AGAP1: variants seen among roughly 807,000 people sequenced by gnomAD.
The protein encoded by AGAP1 is ArfGAP with GTPase domain, ankyrin repeat and PH domain 1, also known as arf-GAP with GTPase, ANK repeat and PH domain-containing protein 1.
Under a neutral mutation model 105.3 loss-of-function variants are expected in AGAP1, and 29 were observed. The ratio of observed to expected loss-of-function variants is 0.28; its 90% confidence interval spans 0.21 to 0.38. AGAP1 has a LOEUF of 0.38. Among genes scored for constraint, AGAP1 ranks in the 10% least tolerant of loss-of-function variants. AGAP1 has a pLI of 1.00. For missense variants in AGAP1, 998 were observed against 1,165.1 expected (o/e 0.86, Z 2.09); for synonymous variants, 509 against 485.9 (o/e 1.05, Z -0.63).
rs568308150 is a variant in AGAP1 at position 235,710,802 on chromosome 2, G to A, written c.222+1565G>A. Reference sequence around the variant, plus strand: ...TCCGTTACTTCCTGTTAAGACAGCCGCTGCCACTCGGGTGCTGTGATGGGC... The same window carrying A: ...TCCGTTACTTCCTGTTAAGACAGCCACTGCCACTCGGGTGCTGTGATGGGC... On this transcript the variant is annotated intron_variant, in intron 2 of 17. Coordinates refer to ENST00000304032, the MANE Select transcript of AGAP1 (RefSeq NM_001037131.3). Among the ~76,000 whole-genome samples, 48 of 152,276 alleles carry A rather than the reference G, an allele frequency of 3.2e-4. 1 individual carries two copies. In the South Asian group the frequency reaches 3.3e-3, roughly 11 times the overall value.
At position 236,074,074 on chromosome 2, in the gene AGAP1, T is replaced by G. The variant is rs73996515; in HGVS notation, c.2114+24793T>G. ...GCGTGGTGGGGGGCTGGGGAGCCCC[T>G]GCTAGCTGTAGAGATCCAGTGACAG... is the stretch of plus-strand genomic sequence containing the variant. On this transcript the variant is annotated intron_variant, in intron 16 of 17. Coordinates refer to ENST00000304032, the MANE Select transcript of AGAP1 (RefSeq NM_001037131.3). 9.4e-3 allele frequency among the ~76,000 whole-genome samples: 1,434 copies of G among 152,334 alleles called. 16 individuals carry two copies. Among genetic ancestry groups the G allele is most frequent in the African/African-American group, 0.032 (1,340 of 41,586 alleles).
intron 12 of AGAP1, among the ~76,000 whole-genome samples, chr2:235,954,239 C>CA (rs34138034): frequency 7.4e-4 from 95 of 128,126 alleles, no homozygotes; most frequent in Middle Eastern, 8.4e-3. Context: ...ACTCTGCCTC[C>CA]AAAAAAAAAA....
Position 235,612,868 on chromosome 2 carries a change from T to C in AGAP1, c.164-96311T>C, listed in dbSNP as rs1192934705. 2.6e-5 allele frequency among the ~76,000 whole-genome samples: 4 copies of C among 152,168 alleles called. No individual in the cohort carries two copies. Among genetic ancestry groups the C allele is most frequent in the Non-Finnish European group, 4.4e-5 (3 of 68,034 alleles). ...TTCTGGCTTCTGCTTCCAGTGAGAC[T>C]CCGCCCAGGTTATGTTTGTGGCCTT... On this transcript the variant is annotated intron_variant, in intron 1 of 17. Transcript: ENST00000304032. This position sits in a 1 kb window ranked among gnomAD's most constrained non-coding sequence, Gnocchi z 4.3.
intron 6 of AGAP1, among the ~76,000 whole-genome samples, chr2:235,795,588 T>C (rs889365587): frequency 6.6e-6 from 1 of 152,160 alleles, no homozygotes; most frequent in African/African-American, 2.4e-5. Context: ...AATATATTTA[T>C]AAATCATTTT....
In AGAP1 at chr2:236,119,700, G is replaced by A. The variant is rs1356556870; in HGVS notation, c.2115-492G>A. On this transcript the variant is annotated intron_variant, in intron 16 of 17. Transcript: ENST00000304032. The surrounding 1 kb of genome is among the most constrained non-coding windows in gnomAD (Gnocchi z 6.6). ...TCGTGCGGTCCGTGCTCTCGGCCCC[G>A]GAGACCGTGCTTCCATCGTGCTGGT... Among the ~76,000 whole-genome samples the A allele has an allele frequency of 6.6e-6, 1 of 151,814 alleles. No individual in the cohort carries two copies. Among genetic ancestry groups the A allele is most frequent in the East Asian group, 1.9e-4 (1 of 5,144 alleles).
chr2:235,597,691 C>G (rs542264534), intron 1 of AGAP1, among the ~76,000 whole-genome samples: 67 of 150,812 alleles, frequency 4.4e-4, no homozygotes, highest in South Asian at 2.3e-3. Flanking sequence ...GGGGCCCTGT[C>G]TGTGTGGAGC....
At position 235,888,194 on chromosome 2, in the gene AGAP1, G is replaced by A. The variant is rs560112929; in HGVS notation, c.1155+4745G>A. Among the ~76,000 whole-genome samples the A allele has an allele frequency of 6.3e-4, 96 of 152,268 alleles. No individual in the cohort carries two copies. Among genetic ancestry groups the A allele is most frequent in the African/African-American group, 2.2e-3 (93 of 41,548 alleles). Reference sequence around the variant, plus strand: ...AAACGGAATAGGCCAATGTGGTTATGGGCAGGGGGCGGGGGAGCGGGTAGT... The same window carrying A: ...AAACGGAATAGGCCAATGTGGTTATAGGCAGGGGGCGGGGGAGCGGGTAGT... On this transcript the variant is annotated intron_variant, in intron 10 of 17. Coordinates refer to ENST00000304032, the MANE Select transcript of AGAP1 (RefSeq NM_001037131.3). The surrounding 1 kb of genome is among the most constrained non-coding windows in gnomAD (Gnocchi z 4.8).
At position 235,843,252 on chromosome 2, in the gene AGAP1, G is replaced by A. The variant is rs536391251; in HGVS notation, c.1050+35921G>A. Among the ~76,000 whole-genome samples the A allele has an allele frequency of 3.3e-5, 5 of 152,132 alleles. No individual in the cohort carries two copies. Among genetic ancestry groups the A allele is most frequent in the South Asian group, 2.1e-4 (1 of 4,812 alleles). Reference sequence around the variant, plus strand: ...TGGTCTTCGGGAGGACCTGAGCTTCGGCTGCGGCCTTCCAGCCCCCTGGGT... The same window carrying A: ...TGGTCTTCGGGAGGACCTGAGCTTCAGCTGCGGCCTTCCAGCCCCCTGGGT... On this transcript the variant is annotated intron_variant, in intron 9 of 17. Transcript: ENST00000304032. The surrounding 1 kb of genome is among the most constrained non-coding windows in gnomAD (Gnocchi z 5.9).
At chr2:235,783,256 T>G (rs1369958030) in intron 6 of AGAP1, 3 of 420,556 alleles carry the variant, frequency 7.1e-6, no homozygotes, top group Non-Finnish European at 1.5e-5. Flanking sequence ...AAAAAAGAGT[T>G]GAATTTATGG....
rs907302537 is a variant in AGAP1, at chr2:235,864,484, G to A, written c.1051-18861G>A. Among the ~76,000 whole-genome samples, 4 of 152,156 alleles carry A rather than the reference G, an allele frequency of 2.6e-5. No homozygotes were observed. The highest frequency in any genetic ancestry group is 7.2e-5 in the African/African-American group (3 of 41,434). On this transcript the variant is annotated intron_variant, in intron 9 of 17. Transcript: ENST00000304032. The surrounding 1 kb of genome is among the most constrained non-coding windows in gnomAD (Gnocchi z 5.0). ...GTCTGGGTGGGAGGAGGAGGTGGGC[G>A]GCCGGAAGGTGGTTGAGCGTTTCCG... is the stretch of plus-strand genomic sequence containing the variant.
chr2:235,511,157 C>G (rs1942090990), intron 1 of AGAP1, among the ~76,000 whole-genome samples: 1 of 152,134 alleles, frequency 6.6e-6, no homozygotes, highest in Non-Finnish European at 1.5e-5. Context: ...CCCGCAATGC[C>G]TGGGGCAGCC....
In AGAP1 at chr2:235,788,621, T is replaced by G. The variant is rs72983007; in HGVS notation, c.674-9138T>G. Among the ~76,000 whole-genome samples, 36,072 of 151,678 alleles carry G rather than the reference T, an allele frequency of 0.24. 4,899 individuals are homozygous for G. Among genetic ancestry groups the G allele is most frequent in the Admixed American group, 0.39 (5,958 of 15,246 alleles). ...GGTCCATCGGTGTCGTCAGTGCACA[T>G]CCCGGTGCTTGGAACTGACTGGTGG... is the stretch of plus-strand genomic sequence containing the variant. On this transcript the variant is annotated intron_variant, in intron 6 of 17. Coordinates refer to ENST00000304032, the MANE Select transcript of AGAP1 (RefSeq NM_001037131.3). This position sits in a 1 kb window ranked among gnomAD's most constrained non-coding sequence, Gnocchi z 6.0.
intron 9 of AGAP1, among the ~76,000 whole-genome samples, chr2:235,881,740 G>A (rs1052650490): frequency 1.3e-5 from 2 of 152,230 alleles, no homozygotes; most frequent in Admixed American, 6.5e-5. Flanking sequence ...AAGGTTTGCT[G>A]GGAATTGGTG....
Position 235,883,413 on chromosome 2 carries a change from T to A in AGAP1, c.1119T>A (p.Cys373Ter), listed in dbSNP as rs2050126882. 1 of 1,614,026 alleles carries A rather than the reference T, an allele frequency of 6.2e-7. No individual in the cohort carries two copies. Among genetic ancestry groups the A allele is most frequent in the African/African-American group, 1.3e-5 (1 of 74,912 alleles). Reference protein sequence around the residue: ...KEWKKKYVTLCDNGVLTYHPS... With the variant: ...KEWKKKYVTL ...GGAAAAAGAAATATGTCACCCTGTG[T>A]GACAATGGCGTGCTGACCTATCATC... The change falls in exon 10 of 18, where the codon TGT becomes TGA. Residue 373 changes from cysteine (C) to a stop codon, truncating the protein, a stop_gained. Transcript: ENST00000304032. LOFTEE classifies it high-confidence loss of function. The surrounding 1 kb of genome is among the most constrained non-coding windows in gnomAD (Gnocchi z 4.5).
chr2:235,686,636 TATATATATAGATATATATATATATATA>T (rs1335599420), intron 1 of AGAP1, among the ~76,000 whole-genome samples: 11 of 50,946 alleles, frequency 2.2e-4, no homozygotes, highest in African/African-American at 7.3e-4. Flanking sequence ...TATATATATA[TATATATATAGATATATATATATATATA>T]TATTTTTTTT....
chr2:235,560,741 G>A (rs1256918765), intron 1 of AGAP1, among the ~76,000 whole-genome samples: 1 of 152,156 alleles, frequency 6.6e-6, no homozygotes, highest in Non-Finnish European at 1.5e-5. Flanking sequence ...CCTAAGCCTG[G>A]TGAGACCCAC....
At position 235,747,340 on chromosome 2, in the gene AGAP1, C is replaced by A. The variant is rs777009133; in HGVS notation, c.538+2501C>A. On this transcript the variant is annotated intron_variant, in intron 5 of 17. Coordinates refer to ENST00000304032, the MANE Select transcript of AGAP1 (RefSeq NM_001037131.3). This position sits in a 1 kb window ranked among gnomAD's most constrained non-coding sequence, Gnocchi z 5.0. ...TATTCCCATGAATTCCATGAACATC[C>A]GTTGATCGGATGTGGAAAGATGCCC... Among the ~76,000 whole-genome samples, 3 of 152,236 alleles carry A rather than the reference C, an allele frequency of 2.0e-5. No individual in the cohort carries two copies. The South Asian group carries it at 6.2e-4, about 32-fold the overall frequency.
chr2:236,012,168 G>A lies in AGAP1; in HGVS notation c.1646-24393G>A, dbSNP rs1000922372. ...TTCATCAATAGGTTAATAGAAAGCC[G>A]GGCTGCAAGTTCACTTCCTGCTTAT... On this transcript the variant is annotated intron_variant, in intron 13 of 17. Coordinates refer to ENST00000304032, the MANE Select transcript of AGAP1 (RefSeq NM_001037131.3). The surrounding 1 kb of genome is among the most constrained non-coding windows in gnomAD (Gnocchi z 4.9). Among the ~76,000 whole-genome samples, 8 of 151,990 alleles carry A rather than the reference G, an allele frequency of 5.3e-5. No homozygotes were observed. The highest frequency in any genetic ancestry group is 1.0e-4 in the Non-Finnish European group (7 of 68,000).
chr2:236,123,355 A>G lies in AGAP1; in HGVS notation c.2371-564A>G, dbSNP rs928510341. Among the ~76,000 whole-genome samples the G allele has an allele frequency of 6.6e-6, 1 of 152,238 alleles. No homozygotes were observed. The highest frequency in any genetic ancestry group is 1.5e-5 in the Non-Finnish European group (1 of 68,042). On this transcript the variant is annotated intron_variant, in intron 17 of 17. Coordinates refer to ENST00000304032, the MANE Select transcript of AGAP1 (RefSeq NM_001037131.3). This position sits in a 1 kb window ranked among gnomAD's most constrained non-coding sequence, Gnocchi z 4.6. ...CCCAGCTTGTGTTGTGCTTCTGAGT[A>G]ATTTTTAATGATGTAAGAAAATGAT...
Sources: gnomAD v4.1 joint callset for allele counts (sites outside exome capture counted in the v4.1 genomes callset) on GRCh38, gnomAD v4.1.1 for gene constraint, Gnocchi (gnomAD v3.1) non-coding constraint, MANE v1.5 for transcripts, NCBI Gene and HGNC (gene_info 2026-07-23, HGNC 2026-07-21) for gene names.